GREB1L: variants seen among roughly 807,000 people sequenced by gnomAD.
The protein encoded by GREB1L is GREB1 like retinoic acid receptor coactivator, also known as GREB1-like protein.
GREB1L carries 17 observed loss-of-function variants against 200.8 expected under a neutral mutation model. The observed-to-expected ratio is 0.08, with a 90% CI of 0.06 to 0.13. The LOEUF (loss-of-function observed/expected upper bound fraction) is 0.13, where lower values mean the gene tolerates loss of function less well. GREB1L is among the 10% of genes least tolerant of loss of function. The pLI is 1.00. For synonymous variants in GREB1L, 789 were observed against 893.0 expected, an observed-to-expected ratio of 0.88 and a Z score of 2.08; for missense variants, 1,657 against 2,367.7, an observed-to-expected ratio of 0.70 and a Z score of 6.23.
intron 28 of GREB1L, among the ~76,000 whole-genome samples, chr18:21,515,211 C>G (rs1219330163): frequency 6.6e-6 from 1 of 152,134 alleles, no homozygotes; most frequent in Non-Finnish European, 1.5e-5. Flanking sequence ...AAGTGATAAG[C>G]CCCACCCCAA....
chr18:21,340,084 T>C (rs1324075823), intron 1 of GREB1L, among the ~76,000 whole-genome samples: 2 of 152,200 alleles, frequency 1.3e-5, no homozygotes, highest in African/African-American at 4.8e-5. Context: ...AGGAATATAA[T>C]TGTGGTCCCA....
intron 17 of GREB1L, among the ~76,000 whole-genome samples, chr18:21,481,578 G>A (rs201327152): frequency 4.8e-4 from 73 of 150,866 alleles, no homozygotes; most frequent in African/African-American, 1.6e-3. Flanking sequence ...AACGAAACAC[G>A]CCTGTGGGAC....
intron 19 of GREB1L, among the ~76,000 whole-genome samples, chr18:21,493,055 T>C (rs2036402525): frequency 6.6e-6 from 1 of 152,344 alleles, no homozygotes; most frequent in South Asian, 2.1e-4. Context: ...TATGAGATCA[T>C]GTTGGGATGT....
intron 1 of GREB1L, among the ~76,000 whole-genome samples, chr18:21,312,339 C>T (rs1168768890): frequency 6.6e-6 from 1 of 152,058 alleles, no homozygotes; most frequent in Non-Finnish European, 1.5e-5. Flanking sequence ...TGGGTATATT[C>T]CCAGTAATGA....
chr18:21,393,802 T>C (rs2040930470), intron 4 of GREB1L, among the ~76,000 whole-genome samples: 2 of 152,020 alleles, frequency 1.3e-5, no homozygotes, highest in African/African-American at 4.8e-5. Flanking sequence ...CCTTAAGTGA[T>C]CCACCCACCT....
At chr18:21,408,510 G>A (rs1319728551) in intron 7 of GREB1L, among the ~76,000 whole-genome samples, 2 of 152,050 alleles carry the variant, frequency 1.3e-5, no homozygotes, top group Non-Finnish European at 2.9e-5. Flanking sequence ...AAACCATAAT[G>A]AGAGCCAGGT....
In GREB1L at chr18:21,473,089, A is replaced by T. The variant is rs1383670777; in HGVS notation, c.2241A>T (p.Lys747Asn). Residue 747 changes from lysine (K) to asparagine (N), a missense_variant, in exon 16 of 33, where the codon AAA becomes AAT. Lys to Asn is a moderately conservative substitution (Grantham distance 94, BLOSUM62 0). This residue lies in a region of GREB1L where 239 missense variants were observed against 421.8 expected (regional missense o/e 0.57). Transcript: ENST00000424526. ...ENGTAHQRAE[K>N]YVVRLDNEIQ... ...GGACAGCCCATCAGAGAGCAGAAAA[A>T]TATGTTGTTCGTCTAGACAATGAGA... The T allele has an allele frequency of 1.9e-6, 3 of 1,550,808 alleles. No homozygotes were observed. The highest frequency in any genetic ancestry group is 2.7e-5 in the African/African-American group (2 of 72,968).
At chr18:21,334,973 T>G (rs1196691709) in intron 1 of GREB1L, among the ~76,000 whole-genome samples, 1 of 152,180 alleles carries the variant, frequency 6.6e-6, no homozygotes, top group Non-Finnish European at 1.5e-5. Flanking sequence ...GAGCCTACCA[T>G]TAAAAGAGAA....
At chr18:21,395,588 C>T in intron 5 of GREB1L, 27 bp downstream of exon 5, 1 of 1,491,358 alleles carries the variant, frequency 6.7e-7, no homozygotes, top group Non-Finnish European at 9.0e-7. Flanking sequence ...TATAAAATTC[C>T]TTCCAATATG....
Position 21,522,924 on chromosome 18 carries a change from A to C in GREB1L, c.*103A>C. 1 of 1,040,076 alleles carries C rather than the reference A, an allele frequency of 9.6e-7. No homozygotes were observed. Among genetic ancestry groups the C allele is most frequent in the South Asian group, 1.8e-5 (1 of 55,420 alleles). 64.4% of individuals were successfully genotyped at this position (1,040,076 alleles called of 1,614,324 possible). On this transcript the variant is annotated 3_prime_UTR_variant, in exon 33 of 33. Coordinates refer to ENST00000424526, the MANE Select transcript of GREB1L (RefSeq NM_001142966.3). ...TTTAAAGTACAATCACTGTGGAGCA[A>C]AGTGCAACATATTTGTCTAAATTCT...
intron 1 of GREB1L, among the ~76,000 whole-genome samples, chr18:21,257,813 T>C (rs1197055034): frequency 2.0e-5 from 3 of 152,356 alleles, no homozygotes; most frequent in East Asian, 3.9e-4. Context: ...AAATTAATAA[T>C]TTAATTCAAC....
rs576993979 is a variant in GREB1L, at chr18:21,422,188, T to G, written c.833-17333T>G. Among the ~76,000 whole-genome samples, 26 of 152,314 alleles carry G rather than the reference T, an allele frequency of 1.7e-4. No homozygotes were observed. In the South Asian group the frequency reaches 5.4e-3, roughly 32 times the overall value. ...CTGAGCAAATCAGCTACTTACTCACTAAGCACCAGGTTCTGCACGGTAGCC... is the reference window on the plus strand; with the variant it reads ...CTGAGCAAATCAGCTACTTACTCACGAAGCACCAGGTTCTGCACGGTAGCC... On this transcript the variant is annotated intron_variant, in intron 7 of 32. Coordinates refer to ENST00000424526, the MANE Select transcript of GREB1L (RefSeq NM_001142966.3).
intron 31 of GREB1L, among the ~76,000 whole-genome samples, chr18:21,518,819 C>A (rs970108566): frequency 6.6e-6 from 1 of 152,092 alleles, no homozygotes; most frequent in African/African-American, 2.4e-5. Context: ...CTGCCACTTG[C>A]ACCTCCAGGC....
intron 1 of GREB1L, among the ~76,000 whole-genome samples, chr18:21,343,938 G>A (rs1298617369): frequency 6.6e-6 from 1 of 151,926 alleles, no homozygotes; most frequent in Non-Finnish European, 1.5e-5. Flanking sequence ...ACCATGCCCG[G>A]CTAATTTTTG....
At chr18:21,299,321 C>T (rs1378028494) in intron 1 of GREB1L, among the ~76,000 whole-genome samples, 1 of 151,390 alleles carries the variant, frequency 6.6e-6, no homozygotes, top group Non-Finnish European at 1.5e-5. Context: ...AGTAAATATC[C>T]AGTATTCATT....
chr18:21,501,250 T>C (rs185183488), intron 23 of GREB1L, among the ~76,000 whole-genome samples: 1 of 147,094 alleles, frequency 6.8e-6, no homozygotes, highest in Non-Finnish European at 1.5e-5. Context: ...TTTGGGCTGT[T>C]TTTTTTTTTT....
At chr18:21,303,291 T>A (rs955878672) in intron 1 of GREB1L, among the ~76,000 whole-genome samples, 2 of 152,232 alleles carry the variant, frequency 1.3e-5, no homozygotes, top group African/African-American at 4.8e-5. Context: ...GTGCAGTTAC[T>A]GTCATCTGTT....
In GREB1L at chr18:21,379,258, G is replaced by A. The variant is rs553237517; in HGVS notation, c.-9-4252G>A. ...TTTCGCTCTTGTTGCCCAGGCTGGA[G>A]TGCAATGGCATGATCTTGGCTCACC... is the stretch of plus-strand genomic sequence containing the variant. On this transcript the variant is annotated intron_variant, in intron 2 of 32. Coordinates refer to ENST00000424526, the MANE Select transcript of GREB1L (RefSeq NM_001142966.3). 2.0e-5 allele frequency among the ~76,000 whole-genome samples: 3 copies of A among 152,270 alleles called. No individual in the cohort carries two copies. The South Asian group carries it at 6.2e-4, about 32-fold the overall frequency.
intron 29 of GREB1L, among the ~76,000 whole-genome samples, chr18:21,516,221 T>TA (rs1340668441): frequency 7.2e-5 from 11 of 152,284 alleles, no homozygotes; most frequent in African/African-American, 2.6e-4. Flanking sequence ...ATGCCAAACT[T>TA]ACGGTTATAG....
Sources: gnomAD v4.1 joint callset for allele counts (sites outside exome capture counted in the v4.1 genomes callset) on GRCh38, gnomAD v4.1.1 for gene constraint, gnomAD v4.1.1 regional missense constraint, MANE v1.5 for transcripts, NCBI Gene and HGNC (gene_info 2026-07-23, HGNC 2026-07-21) for gene names.